The following HELT variants were observed in gnomAD, a reference collection of about 807,000 sequenced individuals.
HELT encodes hairy and enhancer of split-related protein HELT.
A neutral mutation model predicts 19.5 loss-of-function variants in HELT; 9 were observed. The observed-to-expected ratio is 0.46, with a 90% CI of 0.28 to 0.80. The LOEUF (loss-of-function observed/expected upper bound fraction) is 0.80. HELT is among the 30% of genes least tolerant of loss of function. The probability of loss-of-function intolerance (pLI) is 0.12; values close to 1 mark genes in which losing one functional copy is unlikely to be tolerated. For missense variants in HELT, 366 were observed against 326.3 expected, an observed-to-expected ratio of 1.12 and a Z score of -0.94; for synonymous variants, 162 against 148.3, an observed-to-expected ratio of 1.09 and a Z score of -0.67.
rs539123900 is a variant in HELT at position 185,020,629 on chromosome 4, G to C, written c.586G>C (p.Val196Leu). The change falls in exon 4 of 4, where the codon GTG becomes CTG. Residue 196 changes from valine to leucine, a missense_variant. Coordinates refer to ENST00000515777, the MANE Select transcript of HELT (RefSeq NM_001300781.2). ...GCTGCCCTACCTGCCCAGCGCGCCA[G>C]TGCCGCTCGCTAGCCCAGCGCAGCA... ...PALPYLPSAP[V>L]PLASPAQQHS... is the part of the protein sequence containing the mutation. The C allele has an allele frequency of 4.4e-6, 7 of 1,602,752 alleles. 1 individual carries two copies. The South Asian group carries it at 5.5e-5, about 13-fold the overall frequency.
intron 3 of HELT, 138 bp from the exon 4 acceptor site, chr4:185,020,135 G>T: frequency 7.8e-7 from 1 of 1,281,470 alleles, no homozygotes. Context: ...CTCTAAGACT[G>T]CGCAGAGGAG....
chr4:185,019,366 C>A lies in HELT; in HGVS notation c.28-21C>A, dbSNP rs1367979008. On this transcript the variant is annotated intron_variant, in intron 1 of 3. Coordinates refer to ENST00000515777, the MANE Select transcript of HELT (RefSeq NM_001300781.2). The stretch of plus-strand genomic sequence containing the variant: ...ACTTCCCGGGCAAAGCCATCCTAAA[C>A]ATACAACCCTCTCTTCGCAGAGAAC... 2.5e-6 allele frequency: 4 copies of A among 1,589,988 alleles called. No individual in the cohort carries two copies. In the South Asian group the frequency reaches 3.4e-5, roughly 13 times the overall value.
chr4:185,019,701 C>A (rs568316271), intron 2 of HELT, 46 bp from the exon 3 acceptor site: 34 of 1,611,776 alleles, frequency 2.1e-5, no homozygotes, highest in Non-Finnish European at 2.9e-5. Flanking sequence ...CAGTGCCCGA[C>A]CAGCAGGCGC....
intron 2 of HELT, 113 bp downstream of exon 2, chr4:185,019,604 G>T: frequency 6.3e-7 from 1 of 1,576,700 alleles, no homozygotes; most frequent in Non-Finnish European, 8.6e-7. Context: ...GCCCCTCCCA[G>T]GCGGGGGGCC....
rs781329634 is a variant in HELT at position 185,020,263 on chromosome 4, G to C, written c.230-10G>C. ...GTGTGTCCGTCCTACGGGCTTTCTC[G>C]TTCCTCCAGCAGAACTTCTAGCGGA... On this transcript the variant is annotated splice_polypyrimidine_tract_variant and intron_variant, in intron 3 of 3. Transcript: ENST00000515777. 34 of 1,609,778 alleles carry C rather than the reference G, an allele frequency of 2.1e-5. No homozygotes were observed. The highest frequency in any genetic ancestry group is 2.9e-5 in the Non-Finnish European group (34 of 1,176,934).
chr4:185,020,603 C>G lies in HELT; in HGVS notation c.560C>G (p.Ala187Gly). ...CCGCCTGGCGCGGCCCGCAGCCCCG[C>G]GCTGCCCTACCTGCCCAGCGCGCCA... The part of the protein sequence containing the change: ...PWPPGAARSP[A>G]LPYLPSAPVP... Residue 187 changes from alanine (A) to glycine (G), a missense_variant, in exon 4 of 4, where the codon GCG becomes GGG. By Grantham distance (60) the Ala-to-Gly change is moderately conservative. Coordinates refer to ENST00000515777, the MANE Select transcript of HELT (RefSeq NM_001300781.2). 2 of 1,596,870 alleles carry G rather than the reference C, an allele frequency of 1.3e-6. No homozygotes were observed. The highest frequency in any genetic ancestry group is 4.5e-5 in the East Asian group (2 of 44,624).
At chr4:185,019,639 G>T in intron 2 of HELT, 108 bp from the exon 3 acceptor site, 1 of 1,605,514 alleles carries the variant, frequency 6.2e-7, no homozygotes, top group Non-Finnish European at 8.5e-7. Flanking sequence ...ACCTCAGGAG[G>T]CTCTGGCGCA....
In HELT at chr4:185,020,594, G is replaced by T. The variant is rs1031466181; in HGVS notation, c.551G>T (p.Arg184Leu). 16 of 1,593,970 alleles carry T rather than the reference G, an allele frequency of 1.0e-5. No homozygotes were observed. Among genetic ancestry groups the T allele is most frequent in the Non-Finnish European group, 1.3e-5 (15 of 1,175,008 alleles). The change falls in exon 4 of 4, where the codon CGC becomes CTC. Residue 184 changes from arginine to leucine, a missense_variant. Physicochemically the swap from Arg to Leu is moderately radical, Grantham distance 102. Coordinates refer to ENST00000515777, the MANE Select transcript of HELT (RefSeq NM_001300781.2). The stretch of plus-strand genomic sequence containing the variant: ...TTCCCCTGGCCGCCTGGCGCGGCCC[G>T]CAGCCCCGCGCTGCCCTACCTGCCC... ...GPFPWPPGAA[R>L]SPALPYLPSA... is the part of the protein sequence containing the mutation.
At chr4:185,019,620 G>C in intron 2 of HELT, 127 bp from the exon 3 acceptor site, 1 of 1,594,160 alleles carries the variant, frequency 6.3e-7, no homozygotes, top group Non-Finnish European at 8.5e-7. Flanking sequence ...GGGCCTGAGC[G>C]CAGGGCGAAC....
rs1223077868 is a variant in HELT at position 185,020,624 on chromosome 4, C to T, written c.581C>T (p.Ala194Val). Residue 194 changes from alanine (A) to valine (V), a missense_variant, in exon 4 of 4, where the codon GCG becomes GTG. Physicochemically the swap from Ala to Val is moderately conservative, Grantham distance 64 (BLOSUM62 0). Transcript: ENST00000515777. ...RSPALPYLPS[A>V]PVPLASPAQQ... The stretch of plus-strand genomic sequence containing the variant: ...CCCGCGCTGCCCTACCTGCCCAGCG[C>T]GCCAGTGCCGCTCGCTAGCCCAGCG... The T allele has an allele frequency of 1.2e-6, 2 of 1,602,158 alleles. No homozygotes were observed. The highest frequency in any genetic ancestry group is 8.5e-7 in the Non-Finnish European group (1 of 1,178,676).
chr4:185,019,569 C>G (rs1733994860), intron 2 of HELT, 78 bp downstream of exon 2: 4 of 1,550,390 alleles, frequency 2.6e-6, no homozygotes, highest in South Asian at 1.2e-5. Context: ...CCCGAGCCCG[C>G]GGACACAGAG....
chr4:185,020,542 T>C lies in HELT; in HGVS notation c.499T>C (p.Phe167Leu). Residue 167 changes from phenylalanine (F) to leucine (L), a missense_variant, in exon 4 of 4, where the codon TTC becomes CTC. Coordinates refer to ENST00000515777, the MANE Select transcript of HELT (RefSeq NM_001300781.2). ...AGHSPGEAAV[F>L]PQGSGAGPFP... ...TCACAGCCCGGGCGAGGCCGCTGTG[T>C]TCCCGCAGGGCTCTGGTGCCGGGCC... 6.2e-7 allele frequency: 1 copy of C among 1,607,038 alleles called. No homozygotes were observed. The highest frequency in any genetic ancestry group is 1.3e-5 in the African/African-American group (1 of 75,000).
At position 185,018,847 on chromosome 4, in the gene HELT, G is replaced by T; in HGVS notation, c.-82G>T. 1 of 1,452,126 alleles carries T rather than the reference G, an allele frequency of 6.9e-7. No homozygotes were observed. The highest frequency in any genetic ancestry group is 1.3e-5 in the South Asian group (1 of 76,660). The allele number at this position is 1,452,126 out of a possible 1,614,324, so 90.0% of individuals were successfully genotyped here. Reference sequence around the variant, plus strand: ...AGTTGGGAGGCTGCAGTCTACCTGGGACACTCGAGGAGGCACACGAGGCGG... The same window carrying T: ...AGTTGGGAGGCTGCAGTCTACCTGGTACACTCGAGGAGGCACACGAGGCGG... On this transcript the variant is annotated 5_prime_UTR_variant, in exon 1 of 4. Coordinates refer to ENST00000515777, the MANE Select transcript of HELT (RefSeq NM_001300781.2).
At chr4:185,019,686 C>T in intron 2 of HELT, 61 bp from the exon 3 acceptor site, 1 of 1,611,268 alleles carries the variant, frequency 6.2e-7, no homozygotes, top group African/African-American at 1.3e-5. Context: ...TCCTCTCCAG[C>T]GCCACAGTGC....
chr4:185,020,266 C>G lies in HELT; in HGVS notation c.230-7C>G. On this transcript the variant is annotated splice_region_variant and splice_polypyrimidine_tract_variant and intron_variant, in intron 3 of 3. Coordinates refer to ENST00000515777, the MANE Select transcript of HELT (RefSeq NM_001300781.2). ...TGTCCGTCCTACGGGCTTTCTCGTTCCTCCAGCAGAACTTCTAGCGGAGTT... is the reference window on the plus strand; with the variant it reads ...TGTCCGTCCTACGGGCTTTCTCGTTGCTCCAGCAGAACTTCTAGCGGAGTT... 1 of 1,610,342 alleles carries G rather than the reference C, an allele frequency of 6.2e-7. No individual in the cohort carries two copies. Among genetic ancestry groups the G allele is most frequent in the Non-Finnish European group, 8.5e-7 (1 of 1,177,202 alleles).
At position 185,020,455 on chromosome 4, in the gene HELT, G is replaced by A. The variant is rs767312891; in HGVS notation, c.412G>A (p.Gly138Ser). 6.2e-7 allele frequency: 1 copy of A among 1,613,890 alleles called. No individual in the cohort carries two copies. Among genetic ancestry groups the A allele is most frequent in the Admixed American group, 1.7e-5 (1 of 60,000 alleles). ...LGAEPAFPPL[G>S]SLPEPDFSYQ... ...CGCGGAGCCCGCCTTTCCGCCGCTGGGTTCGCTCCCGGAGCCGGATTTCTC... is the reference window on the plus strand; with the variant it reads ...CGCGGAGCCCGCCTTTCCGCCGCTGAGTTCGCTCCCGGAGCCGGATTTCTC... The change falls in exon 4 of 4, where the codon GGT (glycine) becomes AGT (serine). Residue 138 changes from glycine (G) to serine (S), a missense_variant. Gly to Ser is a moderately conservative substitution (Grantham distance 56, BLOSUM62 0). Transcript: ENST00000515777.
In HELT at chr4:185,020,686, C is replaced by G. The variant is rs1203523638; in HGVS notation, c.643C>G (p.Leu215Val). 1.2e-6 allele frequency: 2 copies of G among 1,604,174 alleles called. No homozygotes were observed. The highest frequency in any genetic ancestry group is 8.5e-7 in the Non-Finnish European group (1 of 1,179,184). ...HSPFLTPVQGLDRHYLNLIGH... is the reference protein window; with the variant it reads ...HSPFLTPVQGVDRHYLNLIGH... ...CCCCTTCCTGACACCGGTGCAGGGC[C>G]TGGACCGGCATTACCTCAACCTGAT... The change falls in exon 4 of 4, where the codon CTG becomes GTG. Residue 215 changes from leucine to valine, a missense_variant. Coordinates refer to ENST00000515777, the MANE Select transcript of HELT (RefSeq NM_001300781.2).
rs1734056726 is a variant in HELT at position 185,020,757 on chromosome 4, C to T, written c.714C>T (p.His238=). The change falls in exon 4 of 4, where the codon CAC becomes CAT. Residue 238 remains histidine, a synonymous_variant. Transcript: ENST00000515777. ...CCCTTAACCTGCACACGCCCCAGCA[C>T]CCCCCGGTGCTCTGACGCCCACTCG... ...PNALNLHTPQ[H]PPVL is the part of the protein sequence containing the mutation. 2 of 1,529,382 alleles carry T rather than the reference C, an allele frequency of 1.3e-6. No individual in the cohort carries two copies. The highest frequency in any genetic ancestry group is 1.7e-6 in the Non-Finnish European group (2 of 1,146,396). 94.7% of individuals were successfully genotyped at this position (1,529,382 alleles called of 1,614,324 possible). A position where few individuals can be genotyped will look rare whatever the true frequency, so the allele number is the denominator to read the frequency against.
chr4:185,018,841 ACCT>A lies in HELT; in HGVS notation c.-87_-85del, dbSNP rs1733968869. On this transcript the variant is annotated 5_prime_UTR_variant, in exon 1 of 4. Coordinates refer to ENST00000515777, the MANE Select transcript of HELT (RefSeq NM_001300781.2). ...CCTCGGAGTTGGGAGGCTGCAGTCTACCTGGGACACTCGAGGAGGCACACGAGG... is the reference window on the plus strand; with the variant it reads ...CCTCGGAGTTGGGAGGCTGCAGTCTAGGGACACTCGAGGAGGCACACGAGG... 1 of 1,419,116 alleles carries A rather than the reference ACCT, an allele frequency of 7.0e-7. No individual in the cohort carries two copies. Among genetic ancestry groups the A allele is most frequent in the Non-Finnish European group, 9.6e-7 (1 of 1,037,442 alleles). 87.9% of individuals were successfully genotyped at this position (1,419,116 alleles called of 1,614,324 possible).
Sources: allele counts gnomAD v4.1 joint callset, GRCh38; gene constraint gnomAD v4.1.1; transcripts MANE v1.5; gene names NCBI Gene and HGNC (gene_info 2026-07-23, HGNC 2026-07-21).